Variants in LRRC37A2 observed in about 807,000 individuals in gnomAD.
LRRC37A2 encodes leucine rich repeat containing 37 member A2.
A neutral mutation model predicts 68.8 loss-of-function variants in LRRC37A2; 9 were observed. That is an observed-to-expected ratio of 0.13 (90% CI 0.08 to 0.23). The LOEUF is 0.23. Ranked by LOEUF, LRRC37A2 falls within the 10% of genes least tolerant of loss-of-function variation. LRRC37A2 has a pLI of 1.00. For missense variants in LRRC37A2, 168 were observed against 950.4 expected, an observed-to-expected ratio of 0.18 and a Z score of 10.82; for synonymous variants, 63 against 367.6, an observed-to-expected ratio of 0.17 and a Z score of 9.48.
the LRRC37A2 span, among the ~76,000 whole-genome samples, chr17:46,962,452 G>A: frequency 6.6e-6 from 1 of 152,126 alleles, no homozygotes; most frequent in African/African-American, 2.4e-5. Flanking sequence ...GACTGGCCCT[G>A]TGACTCATTT....
chr17:46,740,459 A>G, the LRRC37A2 span, among the ~76,000 whole-genome samples: 1 of 152,180 alleles, frequency 6.6e-6, no homozygotes, highest in African/African-American at 2.4e-5. Context: ...CCTGATTAGA[A>G]CACAGGGGTC....
chr17:46,824,411 G>A, the LRRC37A2 span, among the ~76,000 whole-genome samples: 7 of 152,154 alleles, frequency 4.6e-5, no homozygotes, highest in Non-Finnish European at 8.8e-5. Context: ...ACCATGCCTG[G>A]CTAATTTTTG....
At chr17:46,521,395 T>G (rs1339125097) in intron 4 of LRRC37A2, among the ~76,000 whole-genome samples, 1 of 50,268 alleles carries the variant, frequency 2.0e-5, no homozygotes, top group African/African-American at 7.1e-5. Context: ...ACGTTTCCTT[T>G]AAAATAGTTA....
chr17:46,976,579 T>G, the LRRC37A2 span, among the ~76,000 whole-genome samples: 3 of 151,916 alleles, frequency 2.0e-5, no homozygotes, highest in African/African-American at 7.3e-5. Flanking sequence ...AAAAACAAAT[T>G]TAACTCTTGA....
chr17:47,024,780 T>C, the LRRC37A2 span: 1 of 747,010 alleles, frequency 1.3e-6, no homozygotes, highest in Non-Finnish European at 2.5e-6. Context: ...TTTATGAGTT[T>C]TTAGTCATAT....
chr17:46,914,619 C>T, the LRRC37A2 span, among the ~76,000 whole-genome samples: 1 of 139,348 alleles, frequency 7.2e-6, no homozygotes, highest in African/African-American at 2.7e-5. Context: ...CCACTGTACT[C>T]CAGCCTGTGG....
At chr17:46,900,198 T>TACAC in the LRRC37A2 span, among the ~76,000 whole-genome samples, 11 of 92,084 alleles carry the variant, frequency 1.2e-4, no homozygotes, top group African/African-American at 5.5e-4. Flanking sequence ...TATATATATA[T>TACAC]ATATACACAC....
the LRRC37A2 span, among the ~76,000 whole-genome samples, chr17:47,020,932 A>T: frequency 6.6e-6 from 1 of 152,130 alleles, no homozygotes; most frequent in African/African-American, 2.4e-5. Context: ...GAGATGCTAC[A>T]TGGGTAAGCT....
the LRRC37A2 span, among the ~76,000 whole-genome samples, chr17:47,029,016 T>C: frequency 1.1e-4 from 16 of 151,912 alleles, no homozygotes; most frequent in Non-Finnish European, 2.4e-4. Flanking sequence ...TCATCTCTAC[T>C]AAAAATACAA....
the LRRC37A2 span, chr17:46,721,849 T>C: frequency 6.3e-7 from 1 of 1,589,828 alleles, no homozygotes; most frequent in Non-Finnish European, 8.6e-7. Flanking sequence ...TACGGCTTTT[T>C]CGAGTTGGCT....
At chr17:46,691,575 G>A in the LRRC37A2 span, among the ~76,000 whole-genome samples, 1 of 151,016 alleles carries the variant, frequency 6.6e-6, no homozygotes, top group Non-Finnish European at 1.5e-5. Flanking sequence ...AGCCTGGGCA[G>A]CAGAGCAAGA....
At chr17:46,558,658 T>C (rs1438597228), downstream of LRRC37A2, among the ~76,000 whole-genome samples, 1 of 129,708 alleles carries the variant, frequency 7.7e-6, no homozygotes, top group Non-Finnish European at 1.6e-5. Flanking sequence ...CCCAAAGTGC[T>C]GGGATTACAG....
At chr17:46,550,380 A>C (rs2056643315) in intron 10 of LRRC37A2, 35 bp from the exon 10 acceptor site, 1 of 735,540 alleles carries the variant, frequency 1.4e-6, no homozygotes, top group Admixed American at 2.6e-5. Context: ...GTTAGCTCTC[A>C]TTCTGGTTTT....
the LRRC37A2 span, among the ~76,000 whole-genome samples, chr17:46,995,684 A>G: frequency 6.6e-6 from 1 of 152,190 alleles, no homozygotes; most frequent in Non-Finnish European, 1.5e-5. Flanking sequence ...CTCCCTTTGC[A>G]TCATGGAGCA....
chr17:46,923,354 C>T, the LRRC37A2 span: 13 of 1,506,562 alleles, frequency 8.6e-6, no homozygotes, highest in Middle Eastern at 8.6e-4. Flanking sequence ...CTGGGGATGC[C>T]TCCGAAGTGC....
the LRRC37A2 span, among the ~76,000 whole-genome samples, chr17:46,990,472 G>A: frequency 1.3e-5 from 2 of 152,150 alleles, no homozygotes; most frequent in Admixed American, 6.5e-5. Flanking sequence ...TACAATGTGA[G>A]AATCTTGAAG....
At chr17:46,784,688 G>C in the LRRC37A2 span, among the ~76,000 whole-genome samples, 1 of 152,016 alleles carries the variant, frequency 6.6e-6, no homozygotes, top group African/African-American at 2.4e-5. Context: ...TATTCCGGAC[G>C]AGGTCCCCAC....
the LRRC37A2 span, chr17:46,885,013 A>C: frequency 1.7e-4 from 74 of 435,572 alleles, 1 homozygote; most frequent in South Asian, 1.2e-3. Flanking sequence ...TTTTAGACGA[A>C]GTCTTGTTCT....
chr17:46,502,774 G>A, the LRRC37A2 span, among the ~76,000 whole-genome samples: 3 of 151,336 alleles, frequency 2.0e-5, no homozygotes, highest in Non-Finnish European at 4.4e-5. Flanking sequence ...TCACCAGCAA[G>A]AACTGTGGCA....
Sources: gnomAD v4.1 joint callset for allele counts (sites outside exome capture counted in the v4.1 genomes callset) on GRCh38, gnomAD v4.1.1 for gene constraint, MANE v1.5 for transcripts, NCBI Gene and HGNC (gene_info 2026-07-23, HGNC 2026-07-21) for gene names.